The following RAB3GAP2 variants were observed in gnomAD, a reference collection of about 807,000 sequenced individuals.
RAB3GAP2 encodes the protein RAB3 GTPase activating non-catalytic protein subunit 2.
Under a neutral mutation model 185.3 loss-of-function variants are expected in RAB3GAP2, and 87 were observed. The observed-to-expected ratio is 0.47, with a 90% confidence interval of 0.39 to 0.56. The LOEUF (loss-of-function observed/expected upper bound fraction) is 0.56. Ranked by LOEUF, RAB3GAP2 falls within the 20% of genes least tolerant of loss-of-function variation. The probability of loss-of-function intolerance (pLI) is 0.00; values close to 1 mark genes in which losing one functional copy is unlikely to be tolerated. For synonymous variants in RAB3GAP2, 554 were observed against 576.1 expected, an observed-to-expected ratio of 0.96 and a Z score of 0.55; for missense variants, 1,492 against 1,638.2, an observed-to-expected ratio of 0.91 and a Z score of 1.54.
intron 24 of RAB3GAP2, among the ~76,000 whole-genome samples, chr1:220,168,691 C>T (rs1474809391): frequency 6.6e-6 from 1 of 152,138 alleles, no homozygotes; most frequent in South Asian, 2.1e-4. Context: ...GCCACCATGC[C>T]CAGCCCTATT....
chr1:220,181,188 G>A (rs1429230410), intron 21 of RAB3GAP2, among the ~76,000 whole-genome samples: 2 of 152,166 alleles, frequency 1.3e-5, no homozygotes, highest in Non-Finnish European at 2.9e-5. Context: ...GAGTGCAGAG[G>A]TGCAATCAGC....
At position 220,220,805 on chromosome 1, in the gene RAB3GAP2, C is replaced by T. The variant is rs372310061; in HGVS notation, c.181-6826G>A. Among the ~76,000 whole-genome samples the T allele has an allele frequency of 6.6e-5, 10 of 152,310 alleles. No individual in the cohort carries two copies. In the East Asian group the frequency reaches 9.6e-4, roughly 15 times the overall value. The stretch of plus-strand genomic sequence containing the variant: ...GCACAAGCTCTCTTCTCTTGTCTGT[C>T]GCCATGTGAGACATGGCTTTCACCT... On this transcript the variant is annotated intron_variant, in intron 2 of 34. Coordinates refer to ENST00000358951, the MANE Select transcript of RAB3GAP2 (RefSeq NM_012414.4).
At chr1:220,196,469 T>C in intron 9 of RAB3GAP2, 71 bp from the exon 10 acceptor site, 1 of 1,378,766 alleles carries the variant, frequency 7.3e-7, no homozygotes, top group South Asian at 1.2e-5. Flanking sequence ...TTCAGTTCCA[T>C]TCTAAGATGC....
At chr1:220,183,943 A>G in intron 19 of RAB3GAP2, 93 bp downstream of exon 19, 1 of 1,143,590 alleles carries the variant, frequency 8.7e-7, no homozygotes, top group Non-Finnish European at 1.2e-6. Flanking sequence ...TTTAAAAAAA[A>G]TTCTTAATTT....
chr1:220,211,128 A>C (rs189448088), intron 4 of RAB3GAP2, 126 bp from the exon 5 acceptor site: 1 of 875,716 alleles, frequency 1.1e-6, no homozygotes. Flanking sequence ...TATTTGATGC[A>C]TAAGTAAAAA....
intron 27 of RAB3GAP2, among the ~76,000 whole-genome samples, chr1:220,162,866 A>G (rs919202019): frequency 2.6e-5 from 4 of 152,224 alleles, no homozygotes; most frequent in Admixed American, 2.0e-4. Context: ...TTTTTTTCAC[A>G]TATAACTGCA....
At chr1:220,243,195 A>G (rs563150140) in intron 1 of RAB3GAP2, among the ~76,000 whole-genome samples, 3 of 152,196 alleles carry the variant, frequency 2.0e-5, no homozygotes, top group East Asian at 1.9e-4. Flanking sequence ...TCTACTAAAA[A>G]TACAAAAAAT....
At chr1:220,169,670 G>GA (rs1658138497) in intron 24 of RAB3GAP2, among the ~76,000 whole-genome samples, 1 of 152,114 alleles carries the variant, frequency 6.6e-6, no homozygotes, top group Non-Finnish European at 1.5e-5. Flanking sequence ...TTATTGGAGA[G>GA]CAAGCTTAAG....
At chr1:220,180,419 A>G (rs750652854) in intron 21 of RAB3GAP2, among the ~76,000 whole-genome samples, 2 of 152,294 alleles carry the variant, frequency 1.3e-5, no homozygotes, top group Middle Eastern at 3.4e-3. Flanking sequence ...AAGCAAAGAG[A>G]AAAGACTCAA....
At chr1:220,164,963 G>A (rs1423922487) in intron 26 of RAB3GAP2, among the ~76,000 whole-genome samples, 164 bp from the exon 27 acceptor site, 1 of 151,804 alleles carries the variant, frequency 6.6e-6, no homozygotes, top group East Asian at 1.9e-4. Context: ...TTGATAAACT[G>A]TCCCTCTTCA....
At chr1:220,209,843 G>C (rs1659045622) in intron 7 of RAB3GAP2, among the ~76,000 whole-genome samples, 1 of 152,138 alleles carries the variant, frequency 6.6e-6, no homozygotes, top group Admixed American at 6.5e-5. Flanking sequence ...TTTTGACTAA[G>C]ACAACCAAAA....
chr1:220,253,957 C>A, intron 1 of RAB3GAP2: 1 of 1,613,532 alleles, frequency 6.2e-7, no homozygotes, highest in South Asian at 1.1e-5. Context: ...CAGTGAGACC[C>A]CTCAGCCTCC....
At chr1:220,212,580 A>G (rs111813745) in intron 4 of RAB3GAP2, among the ~76,000 whole-genome samples, 253 of 152,144 alleles carry the variant, frequency 1.7e-3, no homozygotes, top group African/African-American at 5.8e-3. Context: ...TGCAGCCTCA[A>G]ACTCCTGGGT....
intron 1 of RAB3GAP2, among the ~76,000 whole-genome samples, chr1:220,246,687 G>A (rs1280117160): frequency 2.3e-5 from 3 of 130,156 alleles, no homozygotes; most frequent in Non-Finnish European, 3.2e-5. Context: ...ACCAAACACC[G>A]CATATTCTCA....
intron 1 of RAB3GAP2, among the ~76,000 whole-genome samples, chr1:220,259,197 A>G (rs985484840): frequency 2.1e-4 from 32 of 152,184 alleles, no homozygotes; most frequent in African/African-American, 7.7e-4. Context: ...TTAAACTACC[A>G]CTGACATTCT....
chr1:220,256,252 G>A (rs115663959), intron 1 of RAB3GAP2, among the ~76,000 whole-genome samples: 6 of 152,262 alleles, frequency 3.9e-5, no homozygotes, highest in African/African-American at 1.4e-4. Flanking sequence ...AGCTCCTGAC[G>A]GAAGCACTAA....
chr1:220,195,009 A>G (rs1474332574), intron 12 of RAB3GAP2, 69 bp downstream of exon 12: 4 of 1,440,206 alleles, frequency 2.8e-6, no homozygotes, highest in Non-Finnish European at 3.9e-6. Flanking sequence ...AACCAAGCAC[A>G]CGGAAAGACC....
At chr1:220,261,452 T>G (rs1039118426) in intron 1 of RAB3GAP2, among the ~76,000 whole-genome samples, 7 of 152,232 alleles carry the variant, frequency 4.6e-5, no homozygotes, top group African/African-American at 1.7e-4. Context: ...TTTGGAATAC[T>G]GCAATAGCCT....
chr1:220,201,469 T>C (rs1175718120), intron 9 of RAB3GAP2, among the ~76,000 whole-genome samples: 2 of 152,132 alleles, frequency 1.3e-5, no homozygotes, highest in Non-Finnish European at 2.9e-5. Flanking sequence ...CATAATTAAA[T>C]CTTTATTAAA....
Sources: allele counts gnomAD v4.1 joint callset (sites outside exome capture counted in the v4.1 genomes callset), GRCh38; gene constraint gnomAD v4.1.1; transcripts MANE v1.5; gene names NCBI Gene and HGNC (gene_info 2026-07-23, HGNC 2026-07-21).